The following EPB41L1 variants were observed in gnomAD, a reference collection of about 807,000 sequenced individuals.
EPB41L1 encodes the protein band 4.1-like protein 1.
In EPB41L1, 29 loss-of-function variants were observed where a neutral mutation model predicts 97.8. That is an observed-to-expected ratio of 0.30 (90% CI 0.22 to 0.40). The LOEUF (loss-of-function observed/expected upper bound fraction) is 0.40. Among genes scored for constraint, EPB41L1 ranks in the 10% least tolerant of loss-of-function variants. The probability of loss-of-function intolerance (pLI) is 1.00; values close to 1 mark genes in which losing one functional copy is unlikely to be tolerated. For missense variants in EPB41L1, 812 were observed against 1,162.3 expected (o/e 0.70, Z 4.38); for synonymous variants, 383 against 459.2 (o/e 0.83, Z 2.12).
chr20:36,118,017 T>C (rs1392308395), intron 2 of EPB41L1, among the ~76,000 whole-genome samples: 1 of 152,250 alleles, frequency 6.6e-6, no homozygotes, highest in Non-Finnish European at 1.5e-5. Context: ...GGGGCATCCC[T>C]CTGTGGGATG....
intron 2 of EPB41L1, among the ~76,000 whole-genome samples, chr20:36,116,904 A>T (rs564338449): frequency 1.3e-5 from 2 of 152,338 alleles, no homozygotes; most frequent in Admixed American, 1.3e-4. Context: ...GTTTCAAAGG[A>T]TAGAAGAATA....
At chr20:36,104,446 A>G (rs2058123559) in intron 1 of EPB41L1, among the ~76,000 whole-genome samples, 1 of 152,204 alleles carries the variant, frequency 6.6e-6, no homozygotes, top group Non-Finnish European at 1.5e-5. Flanking sequence ...TTGTTTTGCC[A>G]AGAAGAATTT....
intron 18 of EPB41L1, 34 bp downstream of exon 18, chr20:36,218,996 T>C (rs761758015): frequency 6.2e-7 from 1 of 1,603,330 alleles, no homozygotes; most frequent in East Asian, 2.2e-5. Context: ...GCTAGGGGAC[T>C]CCACACTGAG....
At chr20:36,152,967 G>T (rs997921936), upstream of EPB41L1, 4 of 456,264 alleles carry the variant, frequency 8.8e-6, no homozygotes, top group East Asian at 2.8e-4. Flanking sequence ...TCTGTCTGGA[G>T]GGTGGGCCTG....
rs564568045 is a variant in EPB41L1 at position 36,164,840 on chromosome 20, C to T, written c.-14-8924C>T. Among the ~76,000 whole-genome samples the T allele has an allele frequency of 5.9e-5, 9 of 152,120 alleles. No homozygotes were observed. The East Asian group carries it at 1.7e-3, about 30-fold the overall frequency. On this transcript the variant is annotated intron_variant, in intron 1 of 21. Coordinates refer to ENST00000338074, the MANE Select transcript of EPB41L1 (RefSeq NM_012156.2). ...AGCTGGGACTACAGGAGCCTGCCAC[C>T]ATGCCCGGCTAATTTTTGTATTTTT...
chr20:36,103,993 C>T lies in EPB41L1; in HGVS notation c.-64-8433C>T, dbSNP rs960912833. 4.6e-5 allele frequency among the ~76,000 whole-genome samples: 7 copies of T among 152,138 alleles called. No individual in the cohort carries two copies. In the East Asian group the frequency reaches 5.8e-4, roughly 13 times the overall value. ...TGCTGGGATTACAGGCGTGAGCCAC[C>T]GCCCCGGCATTATTACCATTGTTTC... On this transcript the variant is annotated intron_variant, in intron 1 of 19. Coordinates refer to the EPB41L1 transcript ENST00000202028.
intron 1 of EPB41L1, 110 bp from the exon 2 acceptor site, chr20:36,173,654 C>T: frequency 1.0e-6 from 1 of 979,874 alleles, no homozygotes; most frequent in East Asian, 2.4e-5. Flanking sequence ...CCCTGTGACT[C>T]TTTGTCCGTT....
chr20:36,095,734 T>G (rs963285289), intron 1 of EPB41L1, among the ~76,000 whole-genome samples: 3 of 152,194 alleles, frequency 2.0e-5, no homozygotes, highest in Admixed American at 1.3e-4. Flanking sequence ...CAGGGTTACC[T>G]GGGAGTTTGT....
chr20:36,212,554 C>A lies in EPB41L1; in HGVS notation c.2184+178C>A, dbSNP rs998905664. On this transcript the variant is annotated intron_variant, in intron 16 of 21. Coordinates refer to ENST00000338074, the MANE Select transcript of EPB41L1 (RefSeq NM_012156.2). This position sits in a 1 kb window ranked among gnomAD's most constrained non-coding sequence, Gnocchi z 4.8. ...GTCCTCTCTGAGCTCTGGGGAGGGGCAACGGGTAAAGCAGGTTCCTGTCCT... is the reference window on the plus strand; with the variant it reads ...GTCCTCTCTGAGCTCTGGGGAGGGGAAACGGGTAAAGCAGGTTCCTGTCCT... 4.6e-5 allele frequency among the ~76,000 whole-genome samples: 7 copies of A among 152,176 alleles called. No individual in the cohort carries two copies. Among genetic ancestry groups the A allele is most frequent in the African/African-American group, 1.7e-4 (7 of 41,440 alleles).
chr20:36,141,711 C>T (rs2147831269), intron 2 of EPB41L1, among the ~76,000 whole-genome samples: 1 of 152,310 alleles, frequency 6.6e-6, no homozygotes, highest in Non-Finnish European at 1.5e-5. Context: ...CCCAAATGTA[C>T]ACAAAAGAAA....
chr20:36,216,698 A>G (rs1467628784), intron 17 of EPB41L1, among the ~76,000 whole-genome samples: 2 of 152,172 alleles, frequency 1.3e-5, no homozygotes, highest in Non-Finnish European at 1.5e-5. Flanking sequence ...TCCAGCTTGA[A>G]GAAGGGAACA....
Position 36,209,718 on chromosome 20 carries a change from C to T in EPB41L1, c.1899C>T (p.Phe633=), listed in dbSNP as rs151261027. 80 of 1,614,154 alleles carry T rather than the reference C, an allele frequency of 5.0e-5. 1 individual carries two copies. In the African/African-American group the frequency reaches 7.3e-4, roughly 15 times the overall value. Residue 633 remains phenylalanine, a synonymous_variant, in exon 15 of 22, where the codon TTC becomes TTT. Transcript: ENST00000338074. The surrounding 1 kb of genome is among the most constrained non-coding windows in gnomAD (Gnocchi z 4.2). ...TVIGDYHGSA[F]EDFSRSLPEL... is the part of the protein sequence containing the mutation. Reference sequence around the variant, plus strand: ...TTGGTGACTACCATGGCAGCGCCTTCGAAGACTTCTCCCGCAGCCTGCCTG... The same window carrying T: ...TTGGTGACTACCATGGCAGCGCCTTTGAAGACTTCTCCCGCAGCCTGCCTG...
intron 2 of EPB41L1, among the ~76,000 whole-genome samples, chr20:36,139,431 A>AT (rs981377641): frequency 1.3e-5 from 2 of 152,198 alleles, no homozygotes; most frequent in African/African-American, 4.8e-5. Flanking sequence ...TTTAAAAAAA[A>AT]TTTTTTTGTT....
rs1389237944 is a variant in EPB41L1, at chr20:36,222,378, G to C, written c.2621G>C (p.Arg874Thr). Residue 874 changes from arginine to threonine, a missense_variant, in exon 21 of 22, where the codon AGG becomes ACG. By Grantham distance (71) the Arg-to-Thr change is moderately conservative. Coordinates refer to ENST00000338074, the MANE Select transcript of EPB41L1 (RefSeq NM_012156.2). ...YRETDPSPEERDKKPQES is the reference protein window; with the variant it reads ...YRETDPSPEETDKKPQES Reference sequence around the variant, plus strand: ...GAAACAGACCCATCCCCAGAGGAGAGGGACAAGAAGCCACAGGTAAGGCTC... The same window carrying C: ...GAAACAGACCCATCCCCAGAGGAGACGGACAAGAAGCCACAGGTAAGGCTC... The C allele has an allele frequency of 6.2e-6, 10 of 1,613,906 alleles. No individual in the cohort carries two copies. The East Asian group carries it at 2.2e-4, about 36-fold the overall frequency.
chr20:36,125,641 G>T, intron 2 of EPB41L1: 2 of 1,474,954 alleles, frequency 1.4e-6, no homozygotes, highest in Non-Finnish European at 1.8e-6. Flanking sequence ...GTGTGTTGGG[G>T]ACGGCAAGGA....
chr20:36,205,383 C>T (rs1488916517), intron 14 of EPB41L1, among the ~76,000 whole-genome samples: 1 of 152,200 alleles, frequency 6.6e-6, no homozygotes, highest in African/African-American at 2.4e-5. Flanking sequence ...ATCTCTAGAC[C>T]TGTTTCCTCA....
chr20:36,165,515 A>G (rs1472245259), intron 1 of EPB41L1, among the ~76,000 whole-genome samples: 2 of 152,000 alleles, frequency 1.3e-5, no homozygotes. Context: ...CCTGGCCAAC[A>G]TGGTGAAACC....
At chr20:36,222,233 C>T (rs1288405970) in intron 20 of EPB41L1, 45 bp from the exon 21 acceptor site, 1 of 1,522,214 alleles carries the variant, frequency 6.6e-7, no homozygotes, top group Admixed American at 1.7e-5. Flanking sequence ...TCTCTCTCGT[C>T]TTGGATAGTT....
chr20:36,184,464 A>G (rs1009770342), intron 6 of EPB41L1, among the ~76,000 whole-genome samples: 7 of 152,244 alleles, frequency 4.6e-5, no homozygotes, highest in African/African-American at 1.7e-4. Context: ...TCTTTAAACC[A>G]ATTTGTTTTC....
Sources: allele counts gnomAD v4.1 joint callset (sites outside exome capture counted in the v4.1 genomes callset), GRCh38; gene constraint gnomAD v4.1.1; non-coding constraint Gnocchi (gnomAD v3.1); transcripts MANE v1.5; gene names NCBI Gene and HGNC (gene_info 2026-07-23, HGNC 2026-07-21).